The following DIP2B variants were observed in gnomAD, a reference collection of about 807,000 sequenced individuals.
DIP2B encodes DIP2 acetate--CoA ligase B (putative), also known as disco-interacting protein 2 homolog B.
DIP2B carries 76 observed loss-of-function variants against 198.0 expected under a neutral mutation model. The ratio of observed to expected loss-of-function variants is 0.38; its 90% CI spans 0.32 to 0.46. The LOEUF is 0.46. DIP2B is among the 20% of genes least tolerant of loss of function. The pLI is 0.99. For synonymous variants in DIP2B, 701 were observed against 739.1 expected, an observed-to-expected ratio of 0.95 and a Z score of 0.84; for missense variants, 1,559 against 1,978.4, an observed-to-expected ratio of 0.79 and a Z score of 4.02.
intron 34 of DIP2B, among the ~76,000 whole-genome samples, chr12:50,736,568 CCT>C (rs1320813953): frequency 3.9e-5 from 6 of 152,130 alleles, no homozygotes; most frequent in African/African-American, 1.4e-4. Context: ...CTGCTGCTGT[CCT>C]CTGTCACTCT....
chr12:50,693,789 C>T (rs1391956878), intron 14 of DIP2B, among the ~76,000 whole-genome samples: 1 of 152,150 alleles, frequency 6.6e-6, no homozygotes, highest in Non-Finnish European at 1.5e-5. Context: ...CAGCCTTTTC[C>T]TGAAACCAAA....
intron 33 of DIP2B, among the ~76,000 whole-genome samples, chr12:50,734,559 TATCTGAGCCCCATGGGTAAA>T (rs1177134381): frequency 6.6e-6 from 1 of 152,190 alleles, no homozygotes; most frequent in Non-Finnish European, 1.5e-5. Context: ...AACAACACTT[TATCTGAGCCCCATGGGTAAA>T]AGCCTGCCTC....
chr12:50,539,493 C>T (rs1161947215), intron 1 of DIP2B, among the ~76,000 whole-genome samples: 1 of 151,824 alleles, frequency 6.6e-6, no homozygotes, highest in Admixed American at 6.6e-5. Flanking sequence ...TGGCAGGCGC[C>T]TGTAATCCCA....
Position 50,678,787 on chromosome 12 carries a change from C to T in DIP2B, c.1025C>T (p.Ala342Val). 1 of 1,614,192 alleles carries T rather than the reference C, an allele frequency of 6.2e-7. No individual in the cohort carries two copies. The highest frequency in any genetic ancestry group is 8.5e-7 in the Non-Finnish European group (1 of 1,180,026). ...ICNWPPALES[A>V]LQRWGTTQAK... is the part of the protein sequence containing the mutation. ...AACTGGCCTCCTGCTCTTGAATCTG[C>T]CCTGCAGCGCTGGGGTACCACTCAA... Residue 342 changes from alanine (A) to valine (V), a missense_variant, in exon 8 of 38, where the codon GCC becomes GTC. By Grantham distance (64) the Ala-to-Val change is moderately conservative. Coordinates refer to ENST00000301180, the MANE Select transcript of DIP2B (RefSeq NM_173602.3).
chr12:50,562,501 G>A (rs1288336728), intron 1 of DIP2B, among the ~76,000 whole-genome samples: 2 of 151,988 alleles, frequency 1.3e-5, no homozygotes, highest in Non-Finnish European at 2.9e-5. Context: ...TTGGGAAACC[G>A]AGGGCAGTGG....
At chr12:50,659,413 ATTT>A (rs932813114) in intron 3 of DIP2B, among the ~76,000 whole-genome samples, 2 of 150,872 alleles carry the variant, frequency 1.3e-5, no homozygotes, top group African/African-American at 4.9e-5. Flanking sequence ...AAAGGAAACT[ATTT>A]TTTTTGTGAC....
chr12:50,737,353 G>T lies in DIP2B; in HGVS notation c.4176+243G>T, dbSNP rs561236631. Among the ~76,000 whole-genome samples, 18 of 152,262 alleles carry T rather than the reference G, an allele frequency of 1.2e-4. No individual in the cohort carries two copies. The South Asian group carries it at 3.7e-3, about 32-fold the overall frequency. ...TTGTCCACTGACATGCCCTTAGCTAGAAAGGAAAGTGAGCAAATCCTACAT... is the reference window on the plus strand; with the variant it reads ...TTGTCCACTGACATGCCCTTAGCTATAAAGGAAAGTGAGCAAATCCTACAT... On this transcript the variant is annotated intron_variant, in intron 35 of 37. Coordinates refer to ENST00000301180, the MANE Select transcript of DIP2B (RefSeq NM_173602.3).
intron 1 of DIP2B, among the ~76,000 whole-genome samples, chr12:50,575,015 A>T (rs981867098): frequency 6.6e-6 from 1 of 152,062 alleles, no homozygotes; most frequent in Non-Finnish European, 1.5e-5. Flanking sequence ...ATATGCCTAC[A>T]TCTCTTTCAT....
intron 3 of DIP2B, among the ~76,000 whole-genome samples, chr12:50,648,578 T>C (rs1938392258): frequency 6.6e-6 from 1 of 151,778 alleles, no homozygotes; most frequent in Admixed American, 6.6e-5. Flanking sequence ...TTAGCCAGGA[T>C]GGTCTCGATC....
At position 50,747,745 on chromosome 12, in the gene DIP2B, C is replaced by T. The variant is rs1940359459; in HGVS notation, c.*2906C>T. 1.3e-5 allele frequency: 2 copies of T among 152,204 alleles called. No homozygotes were observed. The highest frequency in any genetic ancestry group is 2.4e-5 in the African/African-American group (1 of 41,442). The allele number at this position is 152,204 out of a possible 1,614,324, so 9.4% of individuals were successfully genotyped here. Reference sequence around the variant, plus strand: ...TTAATGTCTGTGGAAAAAAACTAAACAAGTCTCTGTCTCAGTTAAGAGAAA... The same window carrying T: ...TTAATGTCTGTGGAAAAAAACTAAATAAGTCTCTGTCTCAGTTAAGAGAAA... On this transcript the variant is annotated 3_prime_UTR_variant, in exon 38 of 38. Coordinates refer to ENST00000301180, the MANE Select transcript of DIP2B (RefSeq NM_173602.3).
At chr12:50,604,945 G>A (rs1044374572) in intron 1 of DIP2B, among the ~76,000 whole-genome samples, 1 of 152,136 alleles carries the variant, frequency 6.6e-6, no homozygotes, top group East Asian at 1.9e-4. Flanking sequence ...TACGTAGCCG[G>A]TATCACTTCA....
chr12:50,659,098 G>A (rs2139510236), intron 3 of DIP2B, among the ~76,000 whole-genome samples: 1 of 152,106 alleles, frequency 6.6e-6, no homozygotes, highest in East Asian at 1.9e-4. Context: ...AAAAAAACAG[G>A]TCAACTTACA....
intron 1 of DIP2B, among the ~76,000 whole-genome samples, chr12:50,570,355 CCTA>C (rs566963749): frequency 6.6e-6 from 1 of 152,134 alleles, no homozygotes; most frequent in South Asian, 2.1e-4. Flanking sequence ...TATTTGAGCA[CCTA>C]CTAAGTGCGA....
intron 1 of DIP2B, among the ~76,000 whole-genome samples, chr12:50,513,629 T>G (rs1958037887): frequency 6.6e-6 from 1 of 152,178 alleles, no homozygotes; most frequent in African/African-American, 2.4e-5. Context: ...ATCCCAATAC[T>G]TTGGGAGGCT....
At chr12:50,709,450 G>T (rs1300350620) in intron 22 of DIP2B, among the ~76,000 whole-genome samples, 1 of 151,736 alleles carries the variant, frequency 6.6e-6, no homozygotes, top group Non-Finnish European at 1.5e-5. Flanking sequence ...GGCTAACACG[G>T]TGAAACCCCG....
intron 2 of DIP2B, among the ~76,000 whole-genome samples, chr12:50,627,029 A>T (rs1054317929): frequency 2.0e-5 from 3 of 152,226 alleles, no homozygotes; most frequent in Non-Finnish European, 2.9e-5. Context: ...AAGATATCTC[A>T]ATGAATAGGT....
chr12:50,742,828 G>A (rs573378760), intron 37 of DIP2B, among the ~76,000 whole-genome samples: 11 of 152,012 alleles, frequency 7.2e-5, no homozygotes, highest in African/African-American at 2.4e-4. Context: ...CCTGGGAGGC[G>A]GAGGTTGCAA....
At chr12:50,571,719 A>AT (rs1219726708) in intron 1 of DIP2B, among the ~76,000 whole-genome samples, 1 of 151,616 alleles carries the variant, frequency 6.6e-6, no homozygotes, top group Admixed American at 6.6e-5. Flanking sequence ...CGCCTGGCTA[A>AT]TTTTTTGTAT....
intron 13 of DIP2B, 67 bp downstream of exon 13, chr12:50,691,218 T>C: frequency 2.9e-6 from 4 of 1,380,526 alleles, no homozygotes; most frequent in Non-Finnish European, 4.1e-6. Context: ...AGCACAATGC[T>C]CAGTGATTGG....
Sources: allele counts gnomAD v4.1 joint callset (sites outside exome capture counted in the v4.1 genomes callset), GRCh38; gene constraint gnomAD v4.1.1; transcripts MANE v1.5; gene names NCBI Gene and HGNC (gene_info 2026-07-23, HGNC 2026-07-21).